CCDC169: variants seen among roughly 807,000 people sequenced by gnomAD.
CCDC169 encodes coiled-coil domain containing 169, also known as coiled-coil domain-containing protein 169.
CCDC169 carries 30 observed loss-of-function variants against 36.0 expected under a neutral mutation model. The observed-to-expected ratio is 0.83, with a 90% CI of 0.62 to 1.13. The LOEUF is 1.13. Among genes scored for constraint, CCDC169 ranks in the 50% most tolerant of loss-of-function variants. The pLI is 0.00. For synonymous variants in CCDC169, 85 were observed against 81.5 expected, an observed-to-expected ratio of 1.04 and a Z score of -0.23; for missense variants, 245 against 245.9, an observed-to-expected ratio of 1.00 and a Z score of 0.03.
chr13:36,281,368 A>G, intron 4 of CCDC169: 1 of 389,704 alleles, frequency 2.6e-6, no homozygotes. Flanking sequence ...GCTAAAATAA[A>G]ATTTTAATAA....
chr13:36,253,977 G>A (rs1873503252), intron 5 of CCDC169, 68 bp downstream of exon 5: 2 of 1,125,042 alleles, frequency 1.8e-6, no homozygotes, highest in East Asian at 2.7e-5. Flanking sequence ...TTATAGAGTA[G>A]GTTTGTAGAT....
chr13:36,241,242 T>A (rs1296485349), intron 7 of CCDC169, among the ~76,000 whole-genome samples: 4 of 152,148 alleles, frequency 2.6e-5, no homozygotes, highest in Non-Finnish European at 5.9e-5. Context: ...AAAGCAAACA[T>A]TAAAAGCCAT....
intron 7 of CCDC169, among the ~76,000 whole-genome samples, chr13:36,245,976 T>C (rs1872462111): frequency 1.3e-5 from 2 of 152,202 alleles, no homozygotes. Flanking sequence ...GTTACTACTG[T>C]AATTGTTTTG....
intron 4 of CCDC169, among the ~76,000 whole-genome samples, chr13:36,277,882 T>C (rs1877027160): frequency 6.6e-6 from 1 of 151,680 alleles, no homozygotes; most frequent in Non-Finnish European, 1.5e-5. Flanking sequence ...GAAGCTGACG[T>C]TGCAGTGACC....
chr13:36,281,076 C>G (rs1319875076), intron 4 of CCDC169: 3 of 331,260 alleles, frequency 9.1e-6, no homozygotes, highest in Non-Finnish European at 1.8e-5. Context: ...TACCATTTCT[C>G]CTTCACCTAT....
intron 4 of CCDC169, among the ~76,000 whole-genome samples, chr13:36,272,536 A>T (rs7329672): frequency 0.25 from 38,661 of 151,946 alleles, 5,197 homozygotes; most frequent in East Asian, 0.49. Flanking sequence ...CTATTTTTTT[A>T]AATTATTTTT....
chr13:36,248,978 A>G (rs1304039690), intron 6 of CCDC169, among the ~76,000 whole-genome samples: 1 of 152,212 alleles, frequency 6.6e-6, no homozygotes, highest in East Asian at 1.9e-4. Context: ...CTTGTAGTAG[A>G]CACTAAATAT....
At chr13:36,262,524 C>G (rs78648701) in intron 4 of CCDC169, among the ~76,000 whole-genome samples, 5,614 of 152,204 alleles carry the variant, frequency 0.037, 393 homozygotes, top group East Asian at 0.28. Context: ...TTGAACTATA[C>G]CTAGGAATTC....
Position 36,247,239 on chromosome 13 carries a change from C to T in CCDC169, c.545+1367G>A, listed in dbSNP as rs1205635048. Among the ~76,000 whole-genome samples the T allele has an allele frequency of 3.3e-5, 5 of 152,202 alleles. 1 individual carries two copies. The highest frequency in any genetic ancestry group is 3.3e-4 in the Admixed American group (5 of 15,290). On this transcript the variant is annotated intron_variant, in intron 7 of 7. Coordinates refer to ENST00000239859, the MANE Select transcript of CCDC169 (RefSeq NM_001144981.3). ...TACTTTTTGAGAATGTACCTGGTTA[C>T]ATCCAAGAACTCTGTGGGAGATACA...
chr13:36,297,594 G>A (rs938494171), intron 1 of CCDC169, 43 bp downstream of exon 1: 3 of 1,532,840 alleles, frequency 2.0e-6, no homozygotes, highest in Non-Finnish European at 8.8e-7. Flanking sequence ...GAAGGCTCGG[G>A]GGGTGTGGAC....
chr13:36,236,070 C>T (rs563881793), intron 7 of CCDC169, among the ~76,000 whole-genome samples: 1 of 151,960 alleles, frequency 6.6e-6, no homozygotes, highest in Non-Finnish European at 1.5e-5. Flanking sequence ...AAGATGGCAA[C>T]ACTACCCAAA....
At chr13:36,227,292 T>C, downstream of CCDC169, 1 of 1,551,554 alleles carries the variant, frequency 6.4e-7, no homozygotes, top group Non-Finnish European at 8.7e-7. Context: ...GCATGTCCTA[T>C]TCTCTGGTCC....
chr13:36,280,293 A>T (rs1209165350), intron 4 of CCDC169: 1 of 152,208 alleles, frequency 6.6e-6, no homozygotes, highest in African/African-American at 2.4e-5. Flanking sequence ...TGTTTTCATT[A>T]AAACATTTAA....
At chr13:36,227,383 T>A (rs1462388054), downstream of CCDC169, 4 of 1,542,642 alleles carry the variant, frequency 2.6e-6, no homozygotes, top group Non-Finnish European at 3.5e-6. Context: ...AAGAGGAGGC[T>A]GTTTGAAGAG....
At chr13:36,278,618 C>T in intron 4 of CCDC169, among the ~76,000 whole-genome samples, 1 of 152,120 alleles carries the variant, frequency 6.6e-6, no homozygotes, top group South Asian at 2.1e-4. Flanking sequence ...TACCATTCTT[C>T]CAGTTGTCCC....
At chr13:36,287,375 A>G (rs1359517949) in intron 2 of CCDC169, among the ~76,000 whole-genome samples, 4 of 152,210 alleles carry the variant, frequency 2.6e-5, no homozygotes, top group South Asian at 2.1e-4. Context: ...TGGATTACCT[A>G]TTAGGGCAAA....
At chr13:36,236,996 T>C (rs1871157860) in intron 7 of CCDC169, among the ~76,000 whole-genome samples, 2 of 152,032 alleles carry the variant, frequency 1.3e-5, no homozygotes, top group African/African-American at 4.8e-5. Flanking sequence ...TTAGATTACA[T>C]TAACACAAAA....
intron 4 of CCDC169, among the ~76,000 whole-genome samples, chr13:36,266,114 A>G (rs927104379): frequency 4.6e-5 from 7 of 152,174 alleles, no homozygotes; most frequent in Admixed American, 6.5e-5. Flanking sequence ...GGTTCTGGAA[A>G]TTAGTTCAGG....
chr13:36,248,760 A>G, intron 6 of CCDC169, 78 bp from the exon 7 acceptor site: 9 of 1,320,368 alleles, frequency 6.8e-6, no homozygotes, highest in South Asian at 3.8e-5. Flanking sequence ...TCAATTCTCA[A>G]TTAACTCTCC....
Sources: allele counts gnomAD v4.1 joint callset (sites outside exome capture counted in the v4.1 genomes callset), GRCh38; gene constraint gnomAD v4.1.1; transcripts MANE v1.5; gene names NCBI Gene and HGNC (gene_info 2026-07-23, HGNC 2026-07-21).